Variants in PINX1 observed in about 807,000 individuals in gnomAD.
The protein encoded by PINX1 is PIN2/TERF1-interacting telomerase inhibitor 1.
PINX1 carries 34 observed loss-of-function variants against 25.4 expected under a neutral mutation model. The observed-to-expected ratio is 1.34, with a 90% CI of 1.02 to 1.78. The LOEUF (loss-of-function observed/expected upper bound fraction) is 1.78, where lower values mean the gene tolerates loss of function less well. Ranked by LOEUF, PINX1 falls within the 40% of genes most tolerant of loss-of-function variation. The probability of loss-of-function intolerance (pLI) is 0.00; values close to 1 mark genes in which losing one functional copy is unlikely to be tolerated. For synonymous variants in PINX1, 197 were observed against 147.7 expected, an observed-to-expected ratio of 1.33 and a Z score of -2.42; for missense variants, 592 against 404.9, an observed-to-expected ratio of 1.46 and a Z score of -3.97.
In PINX1 at chr8:10,801,377, G is replaced by C. The variant is rs560148986; in HGVS notation, c.471+18816C>G. Among the ~76,000 whole-genome samples the C allele has an allele frequency of 9.2e-5, 14 of 152,330 alleles. No homozygotes were observed. The South Asian group carries it at 1.9e-3, about 20-fold the overall frequency. Reference sequence around the variant, plus strand: ...GCACATTTGCTTTATGCCTTAAAGAGTCTCCAAGTACTTTCAATCCATACA... The same window carrying C: ...GCACATTTGCTTTATGCCTTAAAGACTCTCCAAGTACTTTCAATCCATACA... On this transcript the variant is annotated intron_variant, in intron 6 of 6. Coordinates refer to ENST00000314787, the MANE Select transcript of PINX1 (RefSeq NM_017884.6).
intron 6 of PINX1, among the ~76,000 whole-genome samples, chr8:10,802,718 G>T (rs1214521552): frequency 3.9e-5 from 6 of 152,160 alleles, no homozygotes; most frequent in African/African-American, 1.4e-4. Context: ...TCTGGGCGAA[G>T]ATCTCTATGA....
chr8:10,772,453 G>A (rs943465693), intron 6 of PINX1, among the ~76,000 whole-genome samples: 3 of 152,152 alleles, frequency 2.0e-5, no homozygotes, highest in African/African-American at 4.8e-5. Flanking sequence ...CTTTTCCTTC[G>A]TGGTTTCCAT....
intron 6 of PINX1, among the ~76,000 whole-genome samples, chr8:10,810,343 G>A (rs778946444): frequency 4.6e-5 from 7 of 152,146 alleles, no homozygotes; most frequent in South Asian, 2.1e-4. Context: ...GTTGGAGGCC[G>A]GGACAAGTCG....
chr8:10,837,203 G>C (rs1351972145), intron 1 of PINX1, among the ~76,000 whole-genome samples: 2 of 152,176 alleles, frequency 1.3e-5, no homozygotes, highest in Non-Finnish European at 2.9e-5. Context: ...TGCCTCCCAG[G>C]TAGAGGGTGT....
At chr8:10,776,109 G>A (rs1801385292) in intron 6 of PINX1, among the ~76,000 whole-genome samples, 1 of 152,106 alleles carries the variant, frequency 6.6e-6, no homozygotes, top group South Asian at 2.1e-4. Flanking sequence ...AGTAAAAGGA[G>A]AAGGCAAAAG....
intron 6 of PINX1, among the ~76,000 whole-genome samples, chr8:10,782,195 A>C (rs1327357969): frequency 1.3e-5 from 2 of 152,152 alleles, no homozygotes; most frequent in African/African-American, 2.4e-5. Context: ...GGGGAGATGT[A>C]GGTCAAAGGA....
rs570338384 is a variant in PINX1 at position 10,769,769 on chromosome 8, T to G, written c.472-3853A>C. 1.8e-3 allele frequency among the ~76,000 whole-genome samples: 278 copies of G among 152,344 alleles called. 1 individual carries two copies. The highest frequency in any genetic ancestry group is 6.3e-3 in the African/African-American group (263 of 41,574). On this transcript the variant is annotated intron_variant, in intron 6 of 6. Transcript: ENST00000314787. ...AGCAGGAGAGAGACAGCCCTAAGGCTGCCAGGTGCAAAGCCCTTGCTCCCT... is the reference window on the plus strand; with the variant it reads ...AGCAGGAGAGAGACAGCCCTAAGGCGGCCAGGTGCAAAGCCCTTGCTCCCT...
chr8:10,835,244 C>G (rs560210624), intron 1 of PINX1, among the ~76,000 whole-genome samples: 1 of 152,326 alleles, frequency 6.6e-6, no homozygotes, highest in Non-Finnish European at 1.5e-5. Flanking sequence ...CTGAGACCTG[C>G]TCCAAACGCT....
chr8:10,800,864 T>G (rs545104977), intron 6 of PINX1, among the ~76,000 whole-genome samples: 4 of 152,158 alleles, frequency 2.6e-5, no homozygotes, highest in Admixed American at 6.5e-5. Context: ...ACCATACCAC[T>G]TGATCCAGGC....
intron 1 of PINX1, among the ~76,000 whole-genome samples, chr8:10,835,214 G>C (rs1038559812): frequency 2.0e-5 from 3 of 152,192 alleles, no homozygotes; most frequent in African/African-American, 7.2e-5. Flanking sequence ...GCTTAAAATA[G>C]TAAATGCCAA....
intron 6 of PINX1, among the ~76,000 whole-genome samples, chr8:10,773,272 T>G (rs1801287474): frequency 6.6e-6 from 1 of 152,228 alleles, no homozygotes; most frequent in South Asian, 2.1e-4. Context: ...GACGCTGGGC[T>G]TTGACAAAGT....
chr8:10,822,284 T>C (rs1409552898), intron 5 of PINX1, among the ~76,000 whole-genome samples: 2 of 152,240 alleles, frequency 1.3e-5, no homozygotes, highest in Non-Finnish European at 2.9e-5. Flanking sequence ...TGGCCGCTTT[T>C]GAATAAATAC....
rs1800994685 is a variant in PINX1 at position 10,765,338 on chromosome 8, G to C, written c.*63C>G. 1 of 1,442,172 alleles carries C rather than the reference G, an allele frequency of 6.9e-7. No homozygotes were observed. The highest frequency in any genetic ancestry group is 2.3e-5 in the Admixed American group (1 of 43,502). 89.3% of individuals were successfully genotyped at this position (1,442,172 alleles called of 1,614,324 possible). ...TGAACTCTGCTGTGACTTCAGGCCAGAGGTGTCTGCCCCCGCAGTGCCCTG... is the reference window on the plus strand; with the variant it reads ...TGAACTCTGCTGTGACTTCAGGCCACAGGTGTCTGCCCCCGCAGTGCCCTG... On this transcript the variant is annotated 3_prime_UTR_variant, in exon 7 of 7. Transcript: ENST00000314787.
intron 4 of PINX1, among the ~76,000 whole-genome samples, chr8:10,831,396 T>A (rs533833568): frequency 6.6e-6 from 1 of 152,168 alleles, no homozygotes; most frequent in Non-Finnish European, 1.5e-5. Context: ...CTATAATAAA[T>A]AATATTTTAT....
rs114253394 is a variant in PINX1, at chr8:10,800,013, G to A, written c.471+20180C>T. 6.5e-3 allele frequency among the ~76,000 whole-genome samples: 994 copies of A among 152,284 alleles called. 15 individuals carry two copies. The highest frequency in any genetic ancestry group is 0.023 in the African/African-American group (941 of 41,550). On this transcript the variant is annotated intron_variant, in intron 6 of 6. Transcript: ENST00000314787. ...CTCACAAGGGCAGAGCCGAGACTGC[G>A]ATCCAGGTCTGCGTGATGACACATC... is the stretch of plus-strand genomic sequence containing the variant.
chr8:10,831,297 G>A (rs1586209355), intron 4 of PINX1, among the ~76,000 whole-genome samples: 2 of 152,218 alleles, frequency 1.3e-5, no homozygotes, highest in African/African-American at 4.8e-5. Context: ...AAACAGCTAT[G>A]TAGGAACAGC....
intron 5 of PINX1, chr8:10,821,982 A>G (rs183219311): frequency 6.6e-6 from 1 of 152,366 alleles, no homozygotes; most frequent in East Asian, 1.9e-4. Context: ...GCTGGTAGAG[A>G]CAGTAAGCTA....
chr8:10,825,485 T>C lies in PINX1; in HGVS notation c.394+667A>G, dbSNP rs764493602. ...GGGGAGTTGGTTCTATTAGGTTAAA[T>C]TGCTTCTTTCCAATGCAAGATCGCC... On this transcript the variant is annotated intron_variant, in intron 5 of 6. Coordinates refer to ENST00000314787, the MANE Select transcript of PINX1 (RefSeq NM_017884.6). The C allele has an allele frequency of 5.6e-6, 3 of 533,818 alleles. No homozygotes were observed. In the African/African-American group the frequency reaches 5.8e-5, roughly 10 times the overall value. The allele number at this position is 533,818 out of a possible 1,614,324, so 33.1% of individuals were successfully genotyped here.
intron 6 of PINX1, among the ~76,000 whole-genome samples, chr8:10,817,153 C>G (rs1433074621): frequency 6.6e-6 from 1 of 152,158 alleles, no homozygotes; most frequent in African/African-American, 2.4e-5. Flanking sequence ...GCATCGGCAC[C>G]TAACTAGAGC....
Sources: allele counts gnomAD v4.1 joint callset (sites outside exome capture counted in the v4.1 genomes callset), GRCh38; gene constraint gnomAD v4.1.1; transcripts MANE v1.5; gene names NCBI Gene and HGNC (gene_info 2026-07-23, HGNC 2026-07-21).